Variants in SCHIP1 observed in about 807,000 individuals in gnomAD.
SCHIP1 encodes schwannomin-interacting protein 1.
In SCHIP1, 8 loss-of-function variants were observed where a neutral mutation model predicts 29.7. That is an observed-to-expected ratio of 0.27 (90% CI 0.16 to 0.49). SCHIP1 has a LOEUF of 0.49. Among genes scored for constraint, SCHIP1 ranks in the 20% least tolerant of loss-of-function variants. SCHIP1 has a pLI of 0.99. For synonymous variants in SCHIP1, 76 were observed against 94.9 expected (o/e 0.80, Z 1.16); for missense variants, 193 against 294.6 (o/e 0.66, Z 2.52).
chr3:159,720,957 T>C, the SCHIP1 span, among the ~76,000 whole-genome samples: 4 of 152,236 alleles, frequency 2.6e-5, no homozygotes, highest in African/African-American at 9.6e-5. Context: ...TTGTATTTAA[T>C]AATTAAATTC....
the SCHIP1 span, among the ~76,000 whole-genome samples, chr3:159,367,564 T>C: frequency 1.3e-5 from 2 of 152,222 alleles, no homozygotes; most frequent in African/African-American, 4.8e-5. Context: ...ATATCCTCAC[T>C]GCCAAACAAA....
At chr3:159,539,705 A>G in the SCHIP1 span, among the ~76,000 whole-genome samples, 274 of 136,052 alleles carry the variant, frequency 2.0e-3, 25 homozygotes, top group African/African-American at 6.6e-3. Flanking sequence ...TTTTGACGGT[A>G]TCTACTGTAT....
the SCHIP1 span, among the ~76,000 whole-genome samples, chr3:159,692,771 C>T: frequency 7.2e-5 from 11 of 152,016 alleles, no homozygotes; most frequent in African/African-American, 1.7e-4. Flanking sequence ...AAAAATACGT[C>T]CAATAATATT....
At chr3:159,557,396 A>T in the SCHIP1 span, among the ~76,000 whole-genome samples, 3 of 152,230 alleles carry the variant, frequency 2.0e-5, no homozygotes, top group African/African-American at 7.2e-5. Flanking sequence ...CTTCTAAGAA[A>T]TGATCCTATT....
the SCHIP1 span, among the ~76,000 whole-genome samples, chr3:159,636,484 T>G: frequency 6.6e-6 from 1 of 152,170 alleles, no homozygotes; most frequent in South Asian, 2.1e-4. Flanking sequence ...AAGGAAGAAA[T>G]TAGACTTTTT....
chr3:159,862,671 C>A (rs1370073758), intron 1 of SCHIP1, among the ~76,000 whole-genome samples: 2 of 152,026 alleles, frequency 1.3e-5, no homozygotes, highest in South Asian at 2.1e-4. Flanking sequence ...AATTCTCAGA[C>A]CTTTGTAGGA....
the SCHIP1 span, among the ~76,000 whole-genome samples, chr3:159,479,747 T>A: frequency 1.3e-5 from 2 of 152,096 alleles, no homozygotes; most frequent in African/African-American, 4.8e-5. Context: ...AGGAGATATG[T>A]AGGAGAGAAA....
the SCHIP1 span, among the ~76,000 whole-genome samples, chr3:159,757,923 A>G: frequency 6.6e-6 from 1 of 152,180 alleles, no homozygotes; most frequent in Admixed American, 6.5e-5. Flanking sequence ...TCTTGTGAAA[A>G]TGTTCCTCTT....
At chr3:159,891,276 C>T (rs1460820262) in intron 5 of SCHIP1, among the ~76,000 whole-genome samples, 1 of 152,048 alleles carries the variant, frequency 6.6e-6, no homozygotes, top group Non-Finnish European at 1.5e-5. Context: ...AAGGCTGAGG[C>T]AGTAGAATCA....
the SCHIP1 span, among the ~76,000 whole-genome samples, chr3:159,457,397 T>G: frequency 2.3e-5 from 2 of 85,214 alleles, no homozygotes; most frequent in Admixed American, 1.2e-4. Context: ...GCTGTTTCTG[T>G]TTTTTTTTTT....
the SCHIP1 span, among the ~76,000 whole-genome samples, chr3:159,309,585 G>A: frequency 1.5e-5 from 2 of 133,512 alleles, no homozygotes; most frequent in Non-Finnish European, 3.3e-5. Context: ...CTGCTCACAT[G>A]TGGAAGGTAT....
the SCHIP1 span, among the ~76,000 whole-genome samples, chr3:159,450,641 C>G: frequency 6.6e-6 from 1 of 152,110 alleles, no homozygotes; most frequent in African/African-American, 2.4e-5. Flanking sequence ...AGAGCAGGAG[C>G]GTGGCACTTG....
the SCHIP1 span, among the ~76,000 whole-genome samples, chr3:159,753,944 C>T: frequency 6.6e-6 from 1 of 152,210 alleles, no homozygotes; most frequent in Non-Finnish European, 1.5e-5. Flanking sequence ...TCCCCCAGTG[C>T]ATGCACTAAC....
chr3:159,473,674 G>GAAAAAAAA, the SCHIP1 span, among the ~76,000 whole-genome samples: 224 of 81,210 alleles, frequency 2.8e-3, no homozygotes, highest in Middle Eastern at 8.3e-3. Context: ...ATGTAACTAC[G>GAAAAAAAA]AAAAAAAAAA....
the SCHIP1 span, among the ~76,000 whole-genome samples, chr3:159,649,173 C>G: frequency 6.6e-6 from 1 of 152,074 alleles, no homozygotes. Context: ...CATTTGCTTC[C>G]ATTGCTTTGT....
the SCHIP1 span, among the ~76,000 whole-genome samples, chr3:159,693,638 C>T: frequency 1.6e-4 from 25 of 152,232 alleles, no homozygotes; most frequent in Admixed American, 1.6e-3. Flanking sequence ...ATTTGCATAT[C>T]CCTGATTGTG....
chr3:159,794,003 G>A, the SCHIP1 span, among the ~76,000 whole-genome samples: 1 of 152,062 alleles, frequency 6.6e-6, no homozygotes, highest in Non-Finnish European at 1.5e-5. Flanking sequence ...ACTACATTCG[G>A]CCCACCCGGG....
the SCHIP1 span, among the ~76,000 whole-genome samples, chr3:159,701,204 C>T: frequency 9.2e-5 from 14 of 152,168 alleles, no homozygotes; most frequent in African/African-American, 3.1e-4. Flanking sequence ...TTTTAAATTG[C>T]CTTTCATTGT....
the SCHIP1 span, among the ~76,000 whole-genome samples, chr3:159,751,163 C>T: frequency 6.6e-6 from 1 of 152,200 alleles, no homozygotes; most frequent in African/African-American, 2.4e-5. Context: ...GTTGTGCATT[C>T]ATCCTTTAGT....
Sources: gnomAD v4.1 joint callset for allele counts (sites outside exome capture counted in the v4.1 genomes callset) on GRCh38, gnomAD v4.1.1 for gene constraint, MANE v1.5 for transcripts, NCBI Gene and HGNC (gene_info 2026-07-23, HGNC 2026-07-21) for gene names.